Variants in ACSM6 observed in about 807,000 individuals in gnomAD.
The protein encoded by ACSM6 is acyl-coenzyme A synthetase ACSM6, mitochondrial.
A neutral mutation model predicts 51.1 loss-of-function variants in ACSM6; 35 were observed. The observed-to-expected ratio is 0.69, with a 90% CI of 0.52 to 0.91. ACSM6 has a LOEUF of 0.91. Among genes scored for constraint, ACSM6 ranks in the 40% least tolerant of loss-of-function variants. The pLI, the probability that ACSM6 is intolerant of heterozygous loss-of-function variation, is 0.00. For synonymous variants in ACSM6, 172 were observed against 207.3 expected (o/e 0.83, Z 1.46); for missense variants, 509 against 584.1 (o/e 0.87, Z 1.32).
chr10:95,210,939 C>A, intron 5 of ACSM6, 146 bp downstream of exon 5: 5 of 961,926 alleles, frequency 5.2e-6, no homozygotes, highest in South Asian at 4.5e-5. Flanking sequence ...GGCTGAGGGC[C>A]CCAAAAGATG....
chr10:95,212,564 G>A (rs963006906), intron 6 of ACSM6, among the ~76,000 whole-genome samples: 1 of 152,096 alleles, frequency 6.6e-6, no homozygotes, highest in Non-Finnish European at 1.5e-5. Flanking sequence ...TATTTAAAGC[G>A]ACAAAGATCA....
chr10:95,201,753 G>C (rs142466228), intron 2 of ACSM6: 6 of 578,302 alleles, frequency 1.0e-5, no homozygotes, highest in Non-Finnish European at 1.9e-5. Context: ...AGTTCTCTCA[G>C]GAGGTTCTTC....
intron 2 of ACSM6, among the ~76,000 whole-genome samples, chr10:95,197,610 C>T (rs151108639): frequency 0.042 from 6,393 of 152,284 alleles, 485 homozygotes; most frequent in African/African-American, 0.14. Context: ...TCACCTCCCA[C>T]CATAGGGCGG....
At chr10:95,224,066 T>C (rs1024387493) in intron 9 of ACSM6, among the ~76,000 whole-genome samples, 6 of 152,178 alleles carry the variant, frequency 3.9e-5, no homozygotes, top group Admixed American at 1.3e-4. Flanking sequence ...ATTTTTTAAA[T>C]CTCATTTAAA....
intron 2 of ACSM6, among the ~76,000 whole-genome samples, chr10:95,197,013 C>T (rs2034732924): frequency 1.3e-5 from 2 of 152,162 alleles, no homozygotes; most frequent in African/African-American, 4.8e-5. Context: ...GAAATTACTC[C>T]ATCAAATGCA....
At chr10:95,214,756 G>A (rs2034927412) in intron 7 of ACSM6, 96 bp from the exon 8 acceptor site, 3 of 1,368,798 alleles carry the variant, frequency 2.2e-6, no homozygotes, top group African/African-American at 1.5e-5. Context: ...TCCTGTATTG[G>A]AATAACTGCA....
In ACSM6 at chr10:95,219,844, AT is replaced by A. The variant is rs773645701; in HGVS notation, c.1120-44del. 11 of 1,436,392 alleles carry A rather than the reference AT, an allele frequency of 7.7e-6. No homozygotes were observed. The African/African-American group carries it at 1.5e-4, about 20-fold the overall frequency. 89.0% of individuals were successfully genotyped at this position (1,436,392 alleles called of 1,614,324 possible). On this transcript the variant is annotated intron_variant, in intron 8 of 10. Coordinates refer to ENST00000341686, the Ensembl canonical transcript of ACSM6. ...TTATGATCAATAACTAGATCCATTAATTTATTGCTTTTTTAAAGAAAAACTT... is the reference window on the plus strand; with the variant it reads ...TTATGATCAATAACTAGATCCATTAATTATTGCTTTTTTAAAGAAAAACTT...
chr10:95,196,157 G>A (rs567526633), intron 2 of ACSM6, among the ~76,000 whole-genome samples: 3 of 152,332 alleles, frequency 2.0e-5, no homozygotes, highest in African/African-American at 7.2e-5. Flanking sequence ...GTGCCCGCAT[G>A]GCATCTGGCA....
At chr10:95,211,735 T>G (rs2034895044) in intron 5 of ACSM6, 143 bp from the exon 6 acceptor site, 2 of 842,254 alleles carry the variant, frequency 2.4e-6, no homozygotes, top group Non-Finnish European at 1.8e-6. Flanking sequence ...ATTGGCCTCA[T>G]GACCTCATAA....
At chr10:95,210,604 A>C (rs16872) in intron 4 of ACSM6, 46 bp from the exon 5 acceptor site, 691,129 of 1,575,660 alleles carry the variant, frequency 0.44, 157,336 homozygotes, top group African/African-American at 0.52. Context: ...ACTTAATCAG[A>C]GAACCTAAAT....
At chr10:95,221,980 C>G (rs1183591395) in intron 9 of ACSM6, among the ~76,000 whole-genome samples, 1 of 152,106 alleles carries the variant, frequency 6.6e-6, no homozygotes, top group Non-Finnish European at 1.5e-5. Context: ...ACTCAATGGT[C>G]AAAAACTGAA....
At chr10:95,216,627 A>G (rs1211023140) in intron 8 of ACSM6, among the ~76,000 whole-genome samples, 2 of 152,204 alleles carry the variant, frequency 1.3e-5, no homozygotes. Context: ...AATTGCACAT[A>G]GCGTCAGAGA....
intron 10 of ACSM6, among the ~76,000 whole-genome samples, chr10:95,227,310 C>A (rs902569186): frequency 8.4e-4 from 128 of 152,178 alleles, no homozygotes; most frequent in African/African-American, 2.9e-3. Context: ...TTTATAAAAT[C>A]TTATCAAGGA....
chr10:95,204,448 G>A (rs906558078), intron 3 of ACSM6, among the ~76,000 whole-genome samples: 1 of 152,014 alleles, frequency 6.6e-6, no homozygotes, highest in Non-Finnish European at 1.5e-5. Flanking sequence ...CAGCTAATCC[G>A]GAGGCTGAGG....
At chr10:95,208,921 T>C (rs1174904295) in intron 4 of ACSM6, among the ~76,000 whole-genome samples, 7 of 98,470 alleles carry the variant, frequency 7.1e-5, no homozygotes, top group Admixed American at 1.6e-4. Flanking sequence ...TATTTCAGTG[T>C]CCAGGGATGT....
intron 4 of ACSM6, among the ~76,000 whole-genome samples, chr10:95,208,703 T>C (rs2034865861): frequency 6.7e-6 from 1 of 149,672 alleles, no homozygotes; most frequent in Non-Finnish European, 1.5e-5. Flanking sequence ...CTATTATTTG[T>C]TTTTGTTTTT....
intron 7 of ACSM6, among the ~76,000 whole-genome samples, chr10:95,213,839 A>C (rs940999291): frequency 3.3e-5 from 5 of 152,230 alleles, no homozygotes; most frequent in African/African-American, 1.2e-4. Context: ...GCAAGGACAT[A>C]AACTCTACAG....
intron 8 of ACSM6, among the ~76,000 whole-genome samples, chr10:95,218,901 G>A (rs1291434681): frequency 6.6e-6 from 1 of 152,164 alleles, no homozygotes; most frequent in Non-Finnish European, 1.5e-5. Context: ...TTGTTAGCAT[G>A]TAAACACAAG....
At chr10:95,202,333 G>C (rs2034802803) in intron 3 of ACSM6, 138 bp downstream of exon 3, 1 of 782,284 alleles carries the variant, frequency 1.3e-6, no homozygotes, top group Admixed American at 2.3e-5. Flanking sequence ...CTTTAAACAG[G>C]CCTAGATTTG....
Sources: allele counts gnomAD v4.1 joint callset (sites outside exome capture counted in the v4.1 genomes callset), GRCh38; gene constraint gnomAD v4.1.1; transcripts MANE v1.5; gene names NCBI Gene and HGNC (gene_info 2026-07-23, HGNC 2026-07-21).